ITFG2: variants seen among roughly 807,000 people sequenced by gnomAD.
ITFG2 encodes the protein KICSTOR complex protein ITFG2.
In ITFG2, 36 loss-of-function variants were observed where a neutral mutation model predicts 54.4. The observed-to-expected ratio is 0.66, with a 90% CI of 0.51 to 0.87. The LOEUF is 0.87. ITFG2 is among the 40% of genes least tolerant of loss of function. ITFG2 has a pLI of 0.00. For missense variants in ITFG2, 524 were observed against 576.7 expected, an observed-to-expected ratio of 0.91 and a Z score of 0.94; for synonymous variants, 211 against 225.4, an observed-to-expected ratio of 0.94 and a Z score of 0.57.
At chr12:2,828,494 T>G, downstream of ITFG2, 1 of 1,058,120 alleles carries the variant, frequency 9.5e-7, no homozygotes, top group Non-Finnish European at 1.4e-6. Flanking sequence ...TCCCAGCCCA[T>G]TGATGATTCC....
chr12:2,842,713 C>G (rs2098044446), intron 2 of ITFG2, among the ~76,000 whole-genome samples: 1 of 152,148 alleles, frequency 6.6e-6, no homozygotes, highest in Admixed American at 6.5e-5. Context: ...GCCTGGGTTA[C>G]AGAGTGAGAC....
At chr12:2,844,732 G>C (rs998211471) in intron 2 of ITFG2, among the ~76,000 whole-genome samples, 2 of 151,872 alleles carry the variant, frequency 1.3e-5, no homozygotes, top group African/African-American at 4.8e-5. Context: ...TAAGCTGTGG[G>C]CCTGCACTTG....
chr12:2,827,732 G>T, downstream of ITFG2: 2 of 1,612,812 alleles, frequency 1.2e-6, no homozygotes, highest in Non-Finnish European at 1.7e-6. The surrounding 1 kb of genome is among the most constrained non-coding windows in gnomAD (Gnocchi z 4.0). Flanking sequence ...GGTCACTGCT[G>T]CCCTCCTCTT....
rs150848024 is a variant in ITFG2, at chr12:2,812,827, A to G, written c.67A>G (p.Ile23Val). Reference sequence around the variant, plus strand: ...CAGCGGGAGCCTCTTCCCGCACGCAATCTGCCTCGGAGACGTTGATAACGA... The same window carrying G: ...CAGCGGGAGCCTCTTCCCGCACGCAGTCTGCCTCGGAGACGTTGATAACGA... ...EFSGSLFPHAICLGDVDNDTL... is the reference protein window; with the variant it reads ...EFSGSLFPHAVCLGDVDNDTL... Residue 23 changes from isoleucine (I) to valine (V), a missense_variant, in exon 1 of 12, where the codon ATC becomes GTC. By Grantham distance (29) the Ile-to-Val change is conservative (BLOSUM62 3). Transcript: ENST00000228799. The G allele has an allele frequency of 4.3e-5, 70 of 1,612,946 alleles. No homozygotes were observed. Among genetic ancestry groups the G allele is most frequent in the East Asian group, 2.0e-4 (9 of 44,850 alleles).
At position 2,824,345 on chromosome 12, in the gene ITFG2, C is replaced by T. The variant is rs966712887; in HGVS notation, c.*152C>T. On this transcript the variant is annotated 3_prime_UTR_variant, in exon 12 of 12. Transcript: ENST00000228799. ...AAGATGGCAGCAGCCCTAGGGTGACCGTGAACTATAGACCTCGCAGTCTTT... is the reference window on the plus strand; with the variant it reads ...AAGATGGCAGCAGCCCTAGGGTGACTGTGAACTATAGACCTCGCAGTCTTT... 5.9e-5 allele frequency: 48 copies of T among 809,536 alleles called. No individual in the cohort carries two copies. The East Asian group carries it at 9.1e-4, about 15-fold the overall frequency. The allele number at this position is 809,536 out of a possible 1,614,324, so 50.1% of individuals were successfully genotyped here.
chr12:2,857,302 C>T (rs569679967), intron 2 of ITFG2: 3 of 503,000 alleles, frequency 6.0e-6, no homozygotes, highest in Admixed American at 3.2e-5. Context: ...GGCTCCCAGG[C>T]CTCAGGGTGG....
chr12:2,822,407 A>G (rs1406616839), intron 9 of ITFG2, among the ~76,000 whole-genome samples: 3 of 152,172 alleles, frequency 2.0e-5, no homozygotes, highest in African/African-American at 4.8e-5. Context: ...CTCCAGAGGC[A>G]TATTTTGTAG....
chr12:2,833,831 TTTGA>T (rs2098015089), upstream of ITFG2, among the ~76,000 whole-genome samples: 1 of 152,226 alleles, frequency 6.6e-6, no homozygotes, highest in African/African-American at 2.4e-5. Context: ...CTATGATTGA[TTTGA>T]TTCTCATTTA....
intron 1 of ITFG2, among the ~76,000 whole-genome samples, chr12:2,815,076 C>A (rs183134190): frequency 2.6e-4 from 39 of 151,960 alleles, no homozygotes; most frequent in African/African-American, 9.2e-4. Context: ...CAGGTTCAAG[C>A]GAACCTTGGC....
intron 2 of ITFG2, chr12:2,849,386 C>A: frequency 6.5e-7 from 1 of 1,536,140 alleles, no homozygotes; most frequent in South Asian, 1.2e-5. Flanking sequence ...GGCAGCAAGG[C>A]CAGCTTTAGC....
At chr12:2,858,877 T>A (rs758119183) in intron 3 of ITFG2, 1 of 1,613,350 alleles carries the variant, frequency 6.2e-7, no homozygotes, top group Middle Eastern at 1.6e-4. Flanking sequence ...GGGACGGAGA[T>A]GAGGTCTAAG....
chr12:2,823,662 C>A, intron 10 of ITFG2, 108 bp from the exon 11 acceptor site: 1 of 1,331,674 alleles, frequency 7.5e-7, no homozygotes, highest in Non-Finnish European at 1.0e-6. Flanking sequence ...TTCCTGACAT[C>A]AGTGGGAGGA....
At chr12:2,847,533 GGC>G (rs2098056597) in intron 2 of ITFG2, among the ~76,000 whole-genome samples, 2 of 152,104 alleles carry the variant, frequency 1.3e-5, no homozygotes, top group South Asian at 2.1e-4. Context: ...CGGGCATCGT[GGC>G]GCACGCCTGT....
At chr12:2,813,787 C>T (rs550055266) in intron 1 of ITFG2, among the ~76,000 whole-genome samples, 12 of 152,130 alleles carry the variant, frequency 7.9e-5, no homozygotes, top group Non-Finnish European at 1.5e-4. Context: ...TGCTGTGATG[C>T]AGAAGGTATC....
chr12:2,830,950 T>TCCCCCCCCCCCCCC (rs544510879), downstream of ITFG2: 1 of 1,383,864 alleles, frequency 7.2e-7, no homozygotes, highest in African/African-American at 1.5e-5. Context: ...CCCAGGATGC[T>TCCCCCCCCCCCCCC]CCCCCCACCC....
intron 4 of ITFG2, 48 bp downstream of exon 4, chr12:2,818,325 G>C: frequency 6.2e-7 from 1 of 1,602,628 alleles, no homozygotes; most frequent in South Asian, 1.1e-5. Context: ...GGAGTCAGTG[G>C]ATACTAGAGC....
At chr12:2,856,009 A>T (rs577675409) in intron 2 of ITFG2, among the ~76,000 whole-genome samples, 10 of 152,256 alleles carry the variant, frequency 6.6e-5, no homozygotes, top group Non-Finnish European at 1.2e-4. Flanking sequence ...TATAGAAAGC[A>T]TCTAGAATGG....
rs923186690 is a variant in ITFG2, at chr12:2,849,446, C to T, written n.300+8451C>T. 1.6e-5 allele frequency: 24 copies of T among 1,535,964 alleles called. No individual in the cohort carries two copies. In the Middle Eastern group the frequency reaches 5.0e-4, roughly 32 times the overall value. ...GGGTTTGGGCAGGGCCAGCTCCTGG[C>T]GAAATTATTGGGAAACGGGTTGGGC... is the stretch of plus-strand genomic sequence containing the variant. On this transcript the variant is annotated intron_variant and non_coding_transcript_variant, in intron 2 of 3. Transcript: ENST00000537710.
intron 2 of ITFG2, among the ~76,000 whole-genome samples, chr12:2,853,024 A>T (rs1411496480): frequency 6.6e-6 from 1 of 152,054 alleles, no homozygotes; most frequent in Non-Finnish European, 1.5e-5. Context: ...AACAAAAAAA[A>T]ACGGGGTTAA....
Sources: gnomAD v4.1 joint callset for allele counts (sites outside exome capture counted in the v4.1 genomes callset) on GRCh38, gnomAD v4.1.1 for gene constraint, Gnocchi (gnomAD v3.1) non-coding constraint, MANE v1.5 for transcripts, NCBI Gene and HGNC (gene_info 2026-07-23, HGNC 2026-07-21) for gene names.